Variants in SLC44A2 observed in about 807,000 individuals in gnomAD.
The protein encoded by SLC44A2 is choline transporter-like protein 2.
A neutral mutation model predicts 90.8 loss-of-function variants in SLC44A2; 57 were observed. The ratio of observed to expected loss-of-function variants is 0.63; its 90% confidence interval spans 0.51 to 0.78. The LOEUF (loss-of-function observed/expected upper bound fraction) is 0.78, where lower values mean the gene tolerates loss of function less well. Among genes scored for constraint, SLC44A2 ranks in the 30% least tolerant of loss-of-function variants. The probability of loss-of-function intolerance (pLI) is 0.00; values close to 1 mark genes in which losing one functional copy is unlikely to be tolerated. For synonymous variants in SLC44A2, 355 were observed against 360.7 expected, an observed-to-expected ratio of 0.98 and a Z score of 0.18; for missense variants, 794 against 919.7, an observed-to-expected ratio of 0.86 and a Z score of 1.77.
chr19:10,628,290 C>T (rs1421122587), intron 4 of SLC44A2, among the ~76,000 whole-genome samples: 1 of 152,220 alleles, frequency 6.6e-6, no homozygotes, highest in Non-Finnish European at 1.5e-5. Context: ...GAGGCTGAGG[C>T]AGGAGAATCA....
chr19:10,623,217 C>G (rs544261623), upstream of SLC44A2, among the ~76,000 whole-genome samples: 1 of 152,136 alleles, frequency 6.6e-6, no homozygotes, highest in South Asian at 2.1e-4. Context: ...GTCTGGGTCA[C>G]CCCAGGGCAT....
chr19:10,641,083 T>C, intron 20 of SLC44A2: 1 of 371,682 alleles, frequency 2.7e-6, no homozygotes, highest in Admixed American at 3.6e-5. Context: ...CAAGATTCCG[T>C]CTCAGGAGGG....
chr19:10,641,485 A>C, intron 20 of SLC44A2: 2 of 429,760 alleles, frequency 4.7e-6, no homozygotes, highest in South Asian at 3.3e-5. Flanking sequence ...TTGAGCTGAA[A>C]GCAGAAGGTC....
At chr19:10,627,865 A>G (rs1022021901) in intron 3 of SLC44A2, 55 bp from the exon 4 acceptor site, 3 of 1,610,658 alleles carry the variant, frequency 1.9e-6, no homozygotes, top group Non-Finnish European at 2.5e-6. Flanking sequence ...TGGAGTGGGA[A>G]CAGGGCTGGA....
upstream of SLC44A2, among the ~76,000 whole-genome samples, chr19:10,623,576 C>T (rs1008866503): frequency 2.6e-5 from 4 of 151,972 alleles, no homozygotes; most frequent in Non-Finnish European, 4.4e-5. Flanking sequence ...CGTGGTGACT[C>T]GTGCCTGCAA....
At chr19:10,612,703 C>A (rs1918339219) in intron 1 of SLC44A2, among the ~76,000 whole-genome samples, 1 of 152,232 alleles carries the variant, frequency 6.6e-6, no homozygotes. Context: ...AGCACTGTGA[C>A]TGGGCAGGCT....
At chr19:10,636,052 C>T (rs560561924) in intron 14 of SLC44A2, 2 of 465,102 alleles carry the variant, frequency 4.3e-6, no homozygotes, top group African/African-American at 2.0e-5. Flanking sequence ...GCTGGGATTA[C>T]AGGTGTGAGC....
chr19:10,622,816 C>T (rs887334786), upstream of SLC44A2, among the ~76,000 whole-genome samples: 2 of 151,970 alleles, frequency 1.3e-5, no homozygotes, highest in African/African-American at 2.4e-5. Flanking sequence ...GTGGGAGGAT[C>T]GCCTGAGCCC....
intron 4 of SLC44A2, 70 bp from the exon 5 acceptor site, chr19:10,630,987 A>G (rs941367044): frequency 4.0e-6 from 5 of 1,236,128 alleles, no homozygotes; most frequent in Non-Finnish European, 5.8e-6. Context: ...CCTGGGCAAC[A>G]AGAGCGAGAC....
intron 21 of SLC44A2, chr19:10,643,056 C>T: frequency 6.7e-7 from 1 of 1,481,554 alleles, no homozygotes; most frequent in Non-Finnish European, 8.9e-7. Context: ...AGGTTTCCTC[C>T]ATGTAGACTG....
chr19:10,633,973 ATTT>A (rs1406434263), intron 10 of SLC44A2, among the ~76,000 whole-genome samples: 1 of 107,938 alleles, frequency 9.3e-6, no homozygotes, highest in Non-Finnish European at 1.7e-5. Context: ...CCCCATCTCT[ATTT>A]TTTTTTTTTT....
chr19:10,624,083 C>T (rs1014644355), upstream of SLC44A2, among the ~76,000 whole-genome samples: 14 of 151,778 alleles, frequency 9.2e-5, no homozygotes, highest in Non-Finnish European at 5.9e-5. Flanking sequence ...TTGCAACCTC[C>T]GCCTCTCGGG....
At chr19:10,635,587 C>T in intron 14 of SLC44A2, 72 bp downstream of exon 14, 2 of 1,356,492 alleles carry the variant, frequency 1.5e-6, no homozygotes, top group Non-Finnish European at 2.1e-6. Flanking sequence ...CCTCTCATGT[C>T]CACTTGGAGG....
In SLC44A2 at chr19:10,626,269, T is replaced by TA. The variant is rs1412274013; in HGVS notation, c.54_55insA (p.Asp19ArgfsTer11). On this transcript the variant is annotated frameshift_variant, in exon 2 of 22. Transcript: ENST00000335757. LOFTEE classifies it high-confidence loss of function. ...GACTTTCAGGAACGCCACAGAAGTA[T>TA]GATCCCACTTTCAAAGGACCCATTT... 2 of 1,613,778 alleles carry TA rather than the reference T, an allele frequency of 1.2e-6. No homozygotes were observed. The highest frequency in any genetic ancestry group is 2.2e-5 in the South Asian group (2 of 91,080).
At position 10,634,906 on chromosome 19, in the gene SLC44A2, T is replaced by C. The variant is rs749036269; in HGVS notation, c.955+19T>C. 3.7e-6 allele frequency: 6 copies of C among 1,614,200 alleles called. No individual in the cohort carries two copies. The highest frequency in any genetic ancestry group is 5.1e-6 in the Non-Finnish European group (6 of 1,180,028). On this transcript the variant is annotated intron_variant, in intron 11 of 21. Transcript: ENST00000335757. ...GCCTTTAGTGAGTCACAGTCTCCCA[T>C]TCCTGCCCCCACATGAGGCCTTGGA...
chr19:10,640,262 T>C (rs1287441998), intron 20 of SLC44A2, among the ~76,000 whole-genome samples: 3 of 152,184 alleles, frequency 2.0e-5, no homozygotes, highest in East Asian at 3.9e-4. Context: ...GGCTAATTTT[T>C]GTATTTTTAG....
chr19:10,604,988 G>A (rs1479143670), intron 1 of SLC44A2, among the ~76,000 whole-genome samples: 1 of 152,132 alleles, frequency 6.6e-6, no homozygotes, highest in Non-Finnish European at 1.5e-5. Context: ...CCCACCCTTG[G>A]CAAGAGCAGT....
chr19:10,641,414 A>C (rs1426993015), intron 20 of SLC44A2: 10 of 450,108 alleles, frequency 2.2e-5, no homozygotes, highest in South Asian at 7.9e-5. Flanking sequence ...CAAAAAAAAA[A>C]CGCCCACTCT....
At chr19:10,641,459 C>T in intron 20 of SLC44A2, 1 of 431,832 alleles carries the variant, frequency 2.3e-6, no homozygotes, top group South Asian at 1.7e-5. Flanking sequence ...GGAGGTGGGA[C>T]TTGAGGACTT....
Sources: allele counts gnomAD v4.1 joint callset (sites outside exome capture counted in the v4.1 genomes callset), GRCh38; gene constraint gnomAD v4.1.1; transcripts MANE v1.5; gene names NCBI Gene and HGNC (gene_info 2026-07-23, HGNC 2026-07-21).